Variants in PNN observed in about 807,000 individuals in gnomAD.
PNN encodes pinin.
A neutral mutation model predicts 76.6 loss-of-function variants in PNN; 38 were observed. The observed-to-expected ratio is 0.50, with a 90% CI of 0.38 to 0.65. PNN has a LOEUF of 0.65. Among genes scored for constraint, PNN ranks in the 30% least tolerant of loss-of-function variants. The pLI is 0.00. For missense variants in PNN, 873 were observed against 874.1 expected (o/e 1.00, Z 0.02); for synonymous variants, 366 against 283.7 (o/e 1.29, Z -2.91).
At chr14:39,177,299 T>A in intron 3 of PNN, 113 bp from the exon 4 acceptor site, 2 of 765,952 alleles carry the variant, frequency 2.6e-6, no homozygotes, top group Non-Finnish European at 2.2e-6. Flanking sequence ...GGCAGGAGGA[T>A]CACTTGAGCC....
chr14:39,181,045 A>G lies in PNN; in HGVS notation c.1336A>G (p.Lys446Glu). Residue 446 changes from lysine (K) to glutamate (E), a missense_variant, in exon 9 of 9, where the codon AAA becomes GAA. By Grantham distance (56) the Lys-to-Glu change is moderately conservative. This residue lies in a region of PNN where 712 missense variants were observed against 693.1 expected (regional missense o/e 1.03). Coordinates refer to ENST00000216832, the MANE Select transcript of PNN (RefSeq NM_002687.4). Reference protein sequence around the residue: ...DKECKTLSPGKENVSALDMEK... With the variant: ...DKECKTLSPGEENVSALDMEK... Reference sequence around the variant, plus strand: ...AGAATGTAAAACCCTTTCTCCTGGGAAAGAGAATGTCAGTGCTTTAGACAT... The same window carrying G: ...AGAATGTAAAACCCTTTCTCCTGGGGAAGAGAATGTCAGTGCTTTAGACAT... 2 of 1,613,166 alleles carry G rather than the reference A, an allele frequency of 1.2e-6. No individual in the cohort carries two copies. Among genetic ancestry groups the G allele is most frequent in the South Asian group, 2.2e-5 (2 of 90,976 alleles).
In PNN at chr14:39,180,525, C is replaced by G. The variant is rs553733996; in HGVS notation, c.816C>G (p.Ile272Met). ...TAGCTTTATTTGAAGGTAGACGCAT[C>G]GAATTTGCAGAACAAATAAATAAAA... is the stretch of plus-strand genomic sequence containing the variant. ...KMNALFEGRR[I>M]EFAEQINKME... The change falls in exon 9 of 9, where the codon ATC becomes ATG. Residue 272 changes from isoleucine (I) to methionine (M), a missense_variant. Ile to Met is a conservative substitution (Grantham distance 10). This residue lies in a region of PNN where 712 missense variants were observed against 693.1 expected (regional missense o/e 1.03). Transcript: ENST00000216832. 7.6e-6 allele frequency: 12 copies of G among 1,588,370 alleles called. No homozygotes were observed. The highest frequency in any genetic ancestry group is 2.7e-5 in the African/African-American group (2 of 73,396).
rs1364333593 is a variant in PNN, at chr14:39,181,586, G to A, written c.1877G>A (p.Ser626Asn). 6.2e-7 allele frequency: 1 copy of A among 1,612,526 alleles called. No homozygotes were observed. The highest frequency in any genetic ancestry group is 1.7e-5 in the Admixed American group (1 of 59,914). The change falls in exon 9 of 9, where the codon AGT (serine) becomes AAT (asparagine). Residue 626 changes from serine (S) to asparagine (N), a missense_variant. By Grantham distance (46) the Ser-to-Asn change is conservative. This residue lies in a region of PNN where 712 missense variants were observed against 693.1 expected (regional missense o/e 1.03). Transcript: ENST00000216832. Reference protein sequence around the residue: ...SSSRDSSSSTSSSSESRSRSR... With the variant: ...SSSRDSSSSTNSSSESRSRSR... ...AGCAGAGATAGTAGCAGTAGCACTA[G>A]TAGTAGTAGTGAGAGTAGAAGTCGG...
chr14:39,176,626 C>G lies in PNN; in HGVS notation c.254+31C>G, dbSNP rs769820324. Reference sequence around the variant, plus strand: ...TTTAAAAAAAGATTCCTGAAGGCTTCTTTAGTTTCTGAGGTACCACACAAA... The same window carrying G: ...TTTAAAAAAAGATTCCTGAAGGCTTGTTTAGTTTCTGAGGTACCACACAAA... On this transcript the variant is annotated intron_variant, in intron 3 of 8. Transcript: ENST00000216832. The G allele has an allele frequency of 9.2e-6, 12 of 1,298,660 alleles. No homozygotes were observed. The South Asian group carries it at 1.4e-4, about 15-fold the overall frequency. The allele number at this position is 1,298,660 out of a possible 1,614,324, so 80.4% of individuals were successfully genotyped here. A position where few individuals can be genotyped will look rare whatever the true frequency, so the allele number is the denominator to read the frequency against.
intron 2 of PNN, 68 bp from the exon 3 acceptor site, chr14:39,176,459 T>A: frequency 8.3e-7 from 1 of 1,205,928 alleles, no homozygotes. Context: ...AACCATATTC[T>A]CTTGTCAAAT....
Position 39,175,328 on chromosome 14 carries a change from G to C in PNN, c.49G>C (p.Glu17Gln), listed in dbSNP as rs764779683. Residue 17 changes from glutamate (E) to glutamine (Q), a missense_variant, in exon 1 of 9, where the codon GAG (glutamate) becomes CAG (glutamine). Around this residue, in one of 3 missense-constraint regions of PNN, gnomAD observed 156 missense variants for 161.7 expected, o/e 0.96. Coordinates refer to ENST00000216832, the MANE Select transcript of PNN (RefSeq NM_002687.4). ...TLQEQLEKAKESLKNVDENIR... is the reference protein window; with the variant it reads ...TLQEQLEKAKQSLKNVDENIR... ...GCAGGAACAGCTGGAAAAGGCCAAA[G>C]AGAGTCTTAAGAACGTGGATGAGAA... 5 of 1,612,296 alleles carry C rather than the reference G, an allele frequency of 3.1e-6. No homozygotes were observed. The highest frequency in any genetic ancestry group is 4.2e-6 in the Non-Finnish European group (5 of 1,179,194).
intron 6 of PNN, 60 bp from the exon 7 acceptor site, chr14:39,179,031 A>C: frequency 6.8e-7 from 1 of 1,469,208 alleles, no homozygotes; most frequent in Non-Finnish European, 9.3e-7. Context: ...GAAATCATAT[A>C]TACCTTTTGT....
At chr14:39,176,198 C>T in intron 2 of PNN, 49 bp downstream of exon 2, 1 of 1,044,650 alleles carries the variant, frequency 9.6e-7, no homozygotes, top group Non-Finnish European at 1.5e-6. Flanking sequence ...TGGTACTTTA[C>T]TAAATATGTT....
chr14:39,181,532 G>A lies in PNN; in HGVS notation c.1823G>A (p.Ser608Asn), dbSNP rs1363701701. Residue 608 changes from serine to asparagine, a missense_variant, in exon 9 of 9, where the codon AGT becomes AAT. Physicochemically the swap from Ser to Asn is conservative, Grantham distance 46. Transcript: ENST00000216832. The part of the protein sequence containing the change: ...SGSSSSRSSS[S>N]SSSSTSGSSS... Reference sequence around the variant, plus strand: ...AGTAGTAGCAGTCGCAGTAGTTCCAGTAGCAGCTCCAGTACAAGTGGCAGC... The same window carrying A: ...AGTAGTAGCAGTCGCAGTAGTTCCAATAGCAGCTCCAGTACAAGTGGCAGC... 1.9e-6 allele frequency: 3 copies of A among 1,604,018 alleles called. No homozygotes were observed. The highest frequency in any genetic ancestry group is 2.6e-6 in the Non-Finnish European group (3 of 1,175,190).
chr14:39,180,871 G>A lies in PNN; in HGVS notation c.1162G>A (p.Asp388Asn), dbSNP rs2053264037. 3 of 1,614,186 alleles carry A rather than the reference G, an allele frequency of 1.9e-6. No individual in the cohort carries two copies. The highest frequency in any genetic ancestry group is 2.5e-6 in the Non-Finnish European group (3 of 1,180,018). ...QQDSQPEEVM[D>N]VLEMVENVKH... Reference sequence around the variant, plus strand: ...GGATAGTCAGCCTGAAGAAGTTATGGATGTGCTAGAGATGGTTGAGAATGT... The same window carrying A: ...GGATAGTCAGCCTGAAGAAGTTATGAATGTGCTAGAGATGGTTGAGAATGT... The change falls in exon 9 of 9, where the codon GAT becomes AAT. Residue 388 changes from aspartate to asparagine, a missense_variant. Asp to Asn is a conservative substitution (Grantham distance 23, BLOSUM62 1). Transcript: ENST00000216832.
At chr14:39,178,025 T>A (rs1179778999) in intron 6 of PNN, 109 bp downstream of exon 6, 4 of 750,482 alleles carry the variant, frequency 5.3e-6, no homozygotes, top group Non-Finnish European at 9.1e-6. Context: ...ACTGTAAACC[T>A]GAAACAAAGC....
Position 39,176,600 on chromosome 14 carries a change from G to C in PNN, c.254+5G>C. The C allele has an allele frequency of 6.3e-7, 1 of 1,580,548 alleles. No homozygotes were observed. Among genetic ancestry groups the C allele is most frequent in the Non-Finnish European group, 8.6e-7 (1 of 1,159,558 alleles). On this transcript the variant is annotated splice_donor_5th_base_variant and intron_variant, in intron 3 of 8. Transcript: ENST00000216832. ...CCTTGAAGGGGCAGTCAGTAGGTAG[G>C]TTTAAAAAAAGATTCCTGAAGGCTT...
rs753332858 is a variant in PNN at position 39,181,718 on chromosome 14, G to T, written c.2009G>T (p.Gly670Val). The T allele has an allele frequency of 3.7e-6, 6 of 1,614,124 alleles. No individual in the cohort carries two copies. The highest frequency in any genetic ancestry group is 5.1e-6 in the Non-Finnish European group (6 of 1,179,964). ...LERSHKSSKG[G>V]SSRDTKGSKD... is the part of the protein sequence containing the mutation. ...AGAAGTCACAAATCTTCAAAAGGTG[G>T]TAGTAGTAGAGATACAAAAGGATCA... Residue 670 changes from glycine to valine, a missense_variant, in exon 9 of 9, where the codon GGT becomes GTT. This residue lies in a region of PNN where 712 missense variants were observed against 693.1 expected (regional missense o/e 1.03). Transcript: ENST00000216832.
At chr14:39,177,233 A>G (rs990610115) in intron 3 of PNN, among the ~76,000 whole-genome samples, 179 bp from the exon 4 acceptor site, 5 of 152,174 alleles carry the variant, frequency 3.3e-5, no homozygotes, top group African/African-American at 7.2e-5. Flanking sequence ...AAAGTACAAA[A>G]AAGTTACCCA....
chr14:39,180,616 CAG>C lies in PNN; in HGVS notation c.909_910del (p.Lys304GlyfsTer7). ...GCATCAGGTGGTGCGTAATGAAGAA[CAG>C]AAGGCGGAACAAGAAGAGGGTAAGG... ...KEHQVVRNEEQKAEQEEGKVA... is the reference protein window; with the variant it reads ...KEHQVVRNEEXKAEQEEGKVA... On this transcript the variant is annotated frameshift_variant, in exon 9 of 9. Coordinates refer to ENST00000216832, the MANE Select transcript of PNN (RefSeq NM_002687.4). LOFTEE classifies it high-confidence loss of function. 6.2e-7 allele frequency: 1 copy of C among 1,613,928 alleles called. No individual in the cohort carries two copies. The highest frequency in any genetic ancestry group is 8.5e-7 in the Non-Finnish European group (1 of 1,179,934).
chr14:39,176,371 A>T, intron 2 of PNN, 156 bp from the exon 3 acceptor site: 4 of 653,100 alleles, frequency 6.1e-6, no homozygotes, highest in South Asian at 6.1e-5. Context: ...CTTAATTCTT[A>T]TAAAGTAACA....
intron 1 of PNN, 73 bp from the exon 2 acceptor site, chr14:39,176,005 A>T (rs904658277): frequency 1.3e-6 from 1 of 784,966 alleles, no homozygotes; most frequent in Non-Finnish European, 2.2e-6. Flanking sequence ...TATGATCCAC[A>T]TCTCTGAAAG....
At position 39,177,132 on chromosome 14, in the gene PNN, C is replaced by T. The variant is rs146144039; in HGVS notation, c.255-280C>T. On this transcript the variant is annotated intron_variant, in intron 3 of 8. Transcript: ENST00000216832. ...AGGCACAGTGGCTCATCCCTGTAATCCCAGCACTTTGGGAAGCCAAGACCA... is the reference window on the plus strand; with the variant it reads ...AGGCACAGTGGCTCATCCCTGTAATTCCAGCACTTTGGGAAGCCAAGACCA... 8.5e-4 allele frequency among the ~76,000 whole-genome samples: 130 copies of T among 152,298 alleles called. 2 individuals are homozygous for T. In the East Asian group the frequency reaches 0.023, roughly 27 times the overall value.
In PNN at chr14:39,176,365, A is replaced by G. The variant is rs562765040; in HGVS notation, c.186-162A>G. 8 of 648,244 alleles carry G rather than the reference A, an allele frequency of 1.2e-5. No homozygotes were observed. The East Asian group carries it at 1.9e-4, about 16-fold the overall frequency. The allele number at this position is 648,244 out of a possible 1,614,324, so 40.2% of individuals were successfully genotyped here. On this transcript the variant is annotated intron_variant, in intron 2 of 8. Coordinates refer to ENST00000216832, the MANE Select transcript of PNN (RefSeq NM_002687.4). ...AGTTTACCAATTTTGAGTGAACTTA[A>G]TTCTTATAAAGTAACACTATAAAAG...
Sources: gnomAD v4.1 joint callset for allele counts (sites outside exome capture counted in the v4.1 genomes callset) on GRCh38, gnomAD v4.1.1 for gene constraint, gnomAD v4.1.1 regional missense constraint, MANE v1.5 for transcripts, NCBI Gene and HGNC (gene_info 2026-07-23, HGNC 2026-07-21) for gene names.